ARHGAP22: variants seen among roughly 807,000 people sequenced by gnomAD.
ARHGAP22 encodes Rho GTPase activating protein 22.
ARHGAP22 carries 48 observed loss-of-function variants against 59.1 expected under a neutral mutation model. That is an observed-to-expected ratio of 0.81 (90% CI 0.64 to 1.03). The LOEUF (loss-of-function observed/expected upper bound fraction) is 1.03. Among genes scored for constraint, ARHGAP22 ranks in the 50% least tolerant of loss-of-function variants. ARHGAP22 has a pLI of 0.00. For synonymous variants in ARHGAP22, 445 were observed against 416.4 expected, an observed-to-expected ratio of 1.07 and a Z score of -0.84; for missense variants, 1,015 against 958.7, an observed-to-expected ratio of 1.06 and a Z score of -0.78.
chr10:48,520,287 A>C (rs1304544689), intron 3 of ARHGAP22, among the ~76,000 whole-genome samples: 17 of 152,234 alleles, frequency 1.1e-4, no homozygotes. Flanking sequence ...GAACAAACTT[A>C]TAGCCAAAAG....
At chr10:48,581,400 T>G (rs2059113298) in intron 2 of ARHGAP22, among the ~76,000 whole-genome samples, 1 of 152,234 alleles carries the variant, frequency 6.6e-6, no homozygotes, top group Non-Finnish European at 1.5e-5. Flanking sequence ...ATATTCCGTT[T>G]CAGAAAACTT....
intron 1 of ARHGAP22, among the ~76,000 whole-genome samples, chr10:48,594,702 G>A (rs765926162): frequency 2.0e-5 from 3 of 152,138 alleles, no homozygotes; most frequent in Non-Finnish European, 2.9e-5. Flanking sequence ...GAGTGCCTAG[G>A]AGTTTATATC....
intron 8 of ARHGAP22, 172 bp from the exon 9 acceptor site, chr10:48,451,312 C>T (rs2133597634): frequency 5.5e-6 from 5 of 903,544 alleles, no homozygotes; most frequent in Non-Finnish European, 8.8e-6. Context: ...CACCCTCCAA[C>T]TCCAGGCAGG....
chr10:48,482,327 C>T (rs903078979), intron 3 of ARHGAP22, among the ~76,000 whole-genome samples: 2 of 152,204 alleles, frequency 1.3e-5, no homozygotes, highest in Non-Finnish European at 2.9e-5. Flanking sequence ...CACATTCCAG[C>T]CCCACTTGGT....
chr10:48,458,085 G>A lies in ARHGAP22; in HGVS notation c.659+1599C>T, dbSNP rs1310845112. 2.0e-5 allele frequency among the ~76,000 whole-genome samples: 3 copies of A among 152,238 alleles called. No individual in the cohort carries two copies. In the East Asian group the frequency reaches 5.8e-4, roughly 29 times the overall value. On this transcript the variant is annotated intron_variant, in intron 5 of 9. Transcript: ENST00000249601. Reference sequence around the variant, plus strand: ...AAGGATGGCCTCAGATACCCCAGGAGGAGTTTCTAAAGGGAGAGGAAACCA... The same window carrying A: ...AAGGATGGCCTCAGATACCCCAGGAAGAGTTTCTAAAGGGAGAGGAAACCA...
At chr10:48,620,267 G>GTT (rs35815837) in intron 1 of ARHGAP22, among the ~76,000 whole-genome samples, 66 of 119,758 alleles carry the variant, frequency 5.5e-4, no homozygotes, top group East Asian at 1.3e-3. Context: ...ACTTGTACAT[G>GTT]TTTTTTTTTT....
chr10:48,616,355 A>G (rs987933554), intron 1 of ARHGAP22, among the ~76,000 whole-genome samples: 30 of 152,306 alleles, frequency 2.0e-4, no homozygotes, highest in African/African-American at 7.2e-4. Context: ...TGAACCTGCA[A>G]TGTCTCCTAG....
chr10:48,482,478 T>A (rs1025668235), intron 3 of ARHGAP22, among the ~76,000 whole-genome samples: 3 of 152,176 alleles, frequency 2.0e-5, no homozygotes, highest in Admixed American at 2.0e-4. Flanking sequence ...GACCAGAGCC[T>A]CAAATACCAT....
chr10:48,545,080 A>C (rs1454552123), intron 3 of ARHGAP22, among the ~76,000 whole-genome samples: 2 of 152,240 alleles, frequency 1.3e-5, no homozygotes, highest in Non-Finnish European at 1.5e-5. Context: ...CAGTAGTTTA[A>C]ATAAAAATAC....
chr10:48,653,272 T>C (rs886247914), upstream of ARHGAP22, among the ~76,000 whole-genome samples: 32 of 152,190 alleles, frequency 2.1e-4, no homozygotes, highest in African/African-American at 7.7e-4. Context: ...TAAAAACCAA[T>C]CACTGCTATA....
chr10:48,655,248 T>G (rs2062763609), upstream of ARHGAP22, among the ~76,000 whole-genome samples: 1 of 110,184 alleles, frequency 9.1e-6, no homozygotes, highest in Non-Finnish European at 1.8e-5. Context: ...TGGATGTGTG[T>G]GTGTGTGTGG....
At chr10:48,571,565 T>C (rs539994930) in intron 2 of ARHGAP22, among the ~76,000 whole-genome samples, 43 of 152,322 alleles carry the variant, frequency 2.8e-4, no homozygotes, top group Admixed American at 2.4e-3. Flanking sequence ...CCTAATCTCT[T>C]TGTGCCTCAG....
At chr10:48,479,435 A>G (rs1303314909) in intron 4 of ARHGAP22, among the ~76,000 whole-genome samples, 2 of 152,180 alleles carry the variant, frequency 1.3e-5, no homozygotes, top group Non-Finnish European at 2.9e-5. Context: ...ACAGTTTTCA[A>G]TAAAGGAGGA....
rs375095041 is a variant in ARHGAP22, at chr10:48,453,384, A to G, written c.908T>C (p.Met303Thr). Reference sequence around the variant, plus strand: ...AACGGTTGCCAGATTCTGGACACTCATCTTGTTGACATTTGAGTATGCCTG... The same window carrying G: ...AACGGTTGCCAGATTCTGGACACTCGTCTTGTTGACATTTGAGTATGCCTG... ...EVQAYSNVNK[M>T]SVQNLATVFG... is the part of the protein sequence containing the mutation. Residue 303 changes from methionine (M) to threonine (T), a missense_variant, in exon 8 of 10, where the codon ATG becomes ACG. Transcript: ENST00000249601. The G allele has an allele frequency of 8.7e-6, 14 of 1,614,036 alleles. No homozygotes were observed. The highest frequency in any genetic ancestry group is 1.2e-5 in the Non-Finnish European group (14 of 1,179,982).
chr10:48,555,531 C>T lies in ARHGAP22; in HGVS notation c.254G>A (p.Gly85Glu), dbSNP rs1382229066. ...IKPQGFISLQ[G>E]TQVTELPPGP... The stretch of plus-strand genomic sequence containing the variant: ...AGGAGGAAGTTCAGTCACCTGTGTC[C>T]CTTGTAGAGAAATAAATCCCTAAAA... The change falls in exon 3 of 10, where the codon GGG becomes GAG. Residue 85 changes from glycine (G) to glutamate (E), a missense_variant. By Grantham distance (98) the Gly-to-Glu change is moderately conservative (BLOSUM62 -2). Coordinates refer to ENST00000249601, the MANE Select transcript of ARHGAP22 (RefSeq NM_021226.4). 1.9e-6 allele frequency: 3 copies of T among 1,614,154 alleles called. No homozygotes were observed. The highest frequency in any genetic ancestry group is 2.5e-6 in the Non-Finnish European group (3 of 1,180,008).
At chr10:48,595,913 C>T (rs761157654) in intron 1 of ARHGAP22, among the ~76,000 whole-genome samples, 1 of 152,186 alleles carries the variant, frequency 6.6e-6, no homozygotes, top group Admixed American at 6.5e-5. Context: ...TCCTAATGAG[C>T]CTCGCCTCGG....
intron 1 of ARHGAP22, among the ~76,000 whole-genome samples, chr10:48,651,211 T>A (rs1030779367): frequency 6.6e-6 from 1 of 152,200 alleles, no homozygotes; most frequent in Admixed American, 6.5e-5. Context: ...GATTTTAATG[T>A]GGAGGTTGAG....
rs544482279 is a variant in ARHGAP22, at chr10:48,580,267, C to T, written c.234+2686G>A. On this transcript the variant is annotated intron_variant, in intron 2 of 9. Transcript: ENST00000249601. ...CCTCCATTTTATTAGTTGCTTCCAC[C>T]AGAGGATGTGGAGGTCTGGAAAACG... Among the ~76,000 whole-genome samples the T allele has an allele frequency of 2.0e-5, 3 of 152,264 alleles. No homozygotes were observed. In the East Asian group the frequency reaches 5.8e-4, roughly 29 times the overall value.
At chr10:48,467,455 C>CT (rs760761588) in intron 4 of ARHGAP22, among the ~76,000 whole-genome samples, 1,795 of 142,326 alleles carry the variant, frequency 0.013, 28 homozygotes, top group African/African-American at 0.041. Flanking sequence ...GGGCAGAATT[C>CT]TTTTTTTTTT....
Sources: gnomAD v4.1 joint callset for allele counts (sites outside exome capture counted in the v4.1 genomes callset) on GRCh38, gnomAD v4.1.1 for gene constraint, MANE v1.5 for transcripts, NCBI Gene and HGNC (gene_info 2026-07-23, HGNC 2026-07-21) for gene names.